USP49: variants seen among roughly 807,000 people sequenced by gnomAD.
USP49 encodes ubiquitin specific peptidase 49.
A neutral mutation model predicts 58.6 loss-of-function variants in USP49; 24 were observed. The observed-to-expected ratio is 0.41, with a 90% CI of 0.30 to 0.58. The LOEUF is 0.58. Among genes scored for constraint, USP49 ranks in the 20% least tolerant of loss-of-function variants. The probability of loss-of-function intolerance (pLI) is 0.30; values close to 1 mark genes in which losing one functional copy is unlikely to be tolerated. For missense variants in USP49, 703 were observed against 866.1 expected, an observed-to-expected ratio of 0.81 and a Z score of 2.36; for synonymous variants, 408 against 365.1, an observed-to-expected ratio of 1.12 and a Z score of -1.34.
chr6:41,806,722 G>T lies in USP49; in HGVS notation c.262C>A (p.Pro88Thr). The change falls in exon 4 of 8, where the codon CCA becomes ACA. Residue 88 changes from proline to threonine, a missense_variant. This residue lies in a region of USP49 where 376 missense variants were observed against 373.5 expected (regional missense o/e 1.01). Transcript: ENST00000682992. This position sits in a 1 kb window ranked among gnomAD's most constrained non-coding sequence, Gnocchi z 5.9. Reference sequence around the variant, plus strand: ...CTTAGCAGCTTCAGGTCCCCCTCTGGGTTATCATTGAGCACGTAGTCCTTG... The same window carrying T: ...CTTAGCAGCTTCAGGTCCCCCTCTGTGTTATCATTGAGCACGTAGTCCTTG... The part of the protein sequence containing the change: ...LCKDYVLNDN[P>T]EGDLKLLRSS... 1 of 1,614,242 alleles carries T rather than the reference G, an allele frequency of 6.2e-7. No homozygotes were observed. The highest frequency in any genetic ancestry group is 8.5e-7 in the Non-Finnish European group (1 of 1,180,044).
intron 3 of USP49, among the ~76,000 whole-genome samples, chr6:41,807,906 T>C (rs1014047539): frequency 6.6e-6 from 1 of 151,258 alleles, no homozygotes; most frequent in African/African-American, 2.4e-5. Flanking sequence ...CCCAGGAAGC[T>C]GGGATTACAG....
chr6:41,812,741 A>G (rs1459752997), intron 3 of USP49, among the ~76,000 whole-genome samples: 1 of 152,192 alleles, frequency 6.6e-6, no homozygotes, highest in Non-Finnish European at 1.5e-5. Context: ...TAGGGATAAA[A>G]GACTCTTCAT....
chr6:41,825,196 A>G (rs1179958078), intron 3 of USP49, among the ~76,000 whole-genome samples: 1 of 152,226 alleles, frequency 6.6e-6, no homozygotes, highest in Non-Finnish European at 1.5e-5. Flanking sequence ...CAAAGTCCCT[A>G]TTAAAGGCAA....
At chr6:41,879,806 C>T (rs566691158) in intron 2 of USP49, among the ~76,000 whole-genome samples, 1 of 152,330 alleles carries the variant, frequency 6.6e-6, no homozygotes, top group Admixed American at 6.5e-5. Context: ...TAGGAACATT[C>T]TTTCTGGGGA....
At chr6:41,819,662 T>TA (rs1301503779) in intron 3 of USP49, among the ~76,000 whole-genome samples, 13 of 152,056 alleles carry the variant, frequency 8.5e-5, no homozygotes, top group Admixed American at 8.5e-4. Flanking sequence ...TTCTTAAAAG[T>TA]ATTAGGTGAA....
chr6:41,800,829 A>G (rs925080974), intron 5 of USP49, among the ~76,000 whole-genome samples: 1 of 152,274 alleles, frequency 6.6e-6, no homozygotes, highest in African/African-American at 2.4e-5. Flanking sequence ...ATATTCAAAC[A>G]TTTAGAAAAT....
chr6:41,848,646 C>T (rs1216690330), intron 3 of USP49, among the ~76,000 whole-genome samples: 1 of 151,938 alleles, frequency 6.6e-6, no homozygotes, highest in Non-Finnish European at 1.5e-5. Flanking sequence ...ATCATAAGGT[C>T]AGGAGATTGA....
chr6:41,852,166 A>G (rs1774042774), intron 3 of USP49, among the ~76,000 whole-genome samples: 1 of 151,920 alleles, frequency 6.6e-6, no homozygotes, highest in Non-Finnish European at 1.5e-5. Context: ...TCTCTACTAA[A>G]AATACAAAAT....
At chr6:41,869,945 T>C (rs1435198392) in intron 3 of USP49, among the ~76,000 whole-genome samples, 2 of 152,146 alleles carry the variant, frequency 1.3e-5, no homozygotes, top group African/African-American at 4.8e-5. Context: ...AAGGTAAAGA[T>C]ATAGAACTTT....
chr6:41,816,825 C>T (rs553937958), intron 3 of USP49, among the ~76,000 whole-genome samples: 78 of 151,660 alleles, frequency 5.1e-4, no homozygotes, highest in Admixed American at 1.2e-3. Flanking sequence ...TCAAGTGATC[C>T]TCCCAAGTAG....
In USP49 at chr6:41,877,824, G is replaced by A. The variant is rs559600876; in HGVS notation, c.-102-6187C>T. ...GATCTGCCCACCTTGGCCTACAAAA[G>A]TGCTGGGATTATAGGCGTGGGCCAC... is the stretch of plus-strand genomic sequence containing the variant. On this transcript the variant is annotated intron_variant, in intron 2 of 7. Coordinates refer to ENST00000682992, the MANE Select transcript of USP49 (RefSeq NM_001286554.2). Among the ~76,000 whole-genome samples the A allele has an allele frequency of 3.3e-5, 5 of 152,318 alleles. No individual in the cohort carries two copies. In the South Asian group the frequency reaches 1.0e-3, roughly 32 times the overall value.
At position 41,796,058 on chromosome 6, in the gene USP49, C is replaced by T. The variant is rs1326844802; in HGVS notation, c.*475G>A. On this transcript the variant is annotated 3_prime_UTR_variant, in exon 8 of 8. Transcript: ENST00000682992. ...GGAATAAACCCTTTAGACTTCATCT[C>T]CCATCTTGGAGCCAATCCCATCCAG... The T allele has an allele frequency of 6.5e-6, 1 of 153,524 alleles. No individual in the cohort carries two copies. Among genetic ancestry groups the T allele is most frequent in the Non-Finnish European group, 1.4e-5 (1 of 68,994 alleles). The allele number at this position is 153,524 out of a possible 1,614,324, so 9.5% of individuals were successfully genotyped here.
intron 3 of USP49, among the ~76,000 whole-genome samples, chr6:41,849,948 A>G (rs1204814304): frequency 2.0e-5 from 3 of 152,148 alleles, no homozygotes; most frequent in Non-Finnish European, 4.4e-5. Context: ...CTAGAAATCA[A>G]TGGCACAAGG....
At chr6:41,801,699 T>TTA (rs1773000039) in intron 5 of USP49, among the ~76,000 whole-genome samples, 1 of 152,154 alleles carries the variant, frequency 6.6e-6, no homozygotes, top group Non-Finnish European at 1.5e-5. Flanking sequence ...GAAAAAGAAA[T>TTA]TACTGATTCA....
intron 2 of USP49, chr6:41,886,516 C>G (rs1774714370): frequency 6.6e-6 from 1 of 152,178 alleles, no homozygotes; most frequent in Non-Finnish European, 1.5e-5. Context: ...GGGACTTTGA[C>G]CTTATTGTCC....
At position 41,806,399 on chromosome 6, in the gene USP49, C is replaced by A; in HGVS notation, c.585G>T (p.Arg195=). Residue 195 remains arginine (R), a synonymous_variant, in exon 4 of 8, where the codon CGG becomes CGT. Transcript: ENST00000682992. This position sits in a 1 kb window ranked among gnomAD's most constrained non-coding sequence, Gnocchi z 5.9. ...GGGTGCTGGCCAGCTCCTCCAGCAG[C>A]CGCCGTTTCACCTCGCGCCGCCGCC... is the stretch of plus-strand genomic sequence containing the variant. ...ARRRRREVKR[R]LLEELASTPP... 1.3e-6 allele frequency: 2 copies of A among 1,558,680 alleles called. No homozygotes were observed. The highest frequency in any genetic ancestry group is 1.7e-6 in the Non-Finnish European group (2 of 1,161,238).
intron 2 of USP49, among the ~76,000 whole-genome samples, chr6:41,877,158 T>C (rs1263605649): frequency 6.6e-6 from 1 of 152,252 alleles, no homozygotes; most frequent in Non-Finnish European, 1.5e-5. Flanking sequence ...GTTTTGTCCA[T>C]TTATGACTCT....
At chr6:41,870,774 C>A (rs2127359037) in intron 3 of USP49, among the ~76,000 whole-genome samples, 1 of 150,730 alleles carries the variant, frequency 6.6e-6, no homozygotes, top group South Asian at 2.1e-4. Context: ...GGCACAGTGG[C>A]TCACGCCTGT....
chr6:41,854,115 G>A (rs1367508771), intron 3 of USP49, among the ~76,000 whole-genome samples: 7 of 150,570 alleles, frequency 4.6e-5, no homozygotes, highest in Admixed American at 1.3e-4. Context: ...TCAGGAGTTC[G>A]AGACCAGCCT....
Sources: gnomAD v4.1 joint callset for allele counts (sites outside exome capture counted in the v4.1 genomes callset) on GRCh38, gnomAD v4.1.1 for gene constraint, gnomAD v4.1.1 regional missense constraint, Gnocchi (gnomAD v3.1) non-coding constraint, MANE v1.5 for transcripts, NCBI Gene and HGNC (gene_info 2026-07-23, HGNC 2026-07-21) for gene names.